The following ZNF143 variants were observed in gnomAD, a reference collection of about 807,000 sequenced individuals.
ZNF143 encodes zinc finger protein 143.
A neutral mutation model predicts 74.1 loss-of-function variants in ZNF143; 49 were observed. The observed-to-expected ratio is 0.66, with a 90% CI of 0.53 to 0.84. The LOEUF is 0.84. Among genes scored for constraint, ZNF143 ranks in the 40% least tolerant of loss-of-function variants. The pLI is 0.00. For missense variants in ZNF143, 637 were observed against 793.4 expected (o/e 0.80, Z 2.37); for synonymous variants, 304 against 282.8 (o/e 1.07, Z -0.75).
intron 4 of ZNF143, 63 bp from the exon 5 acceptor site, chr11:9,474,487 C>T (rs1856766192): frequency 6.6e-7 from 1 of 1,514,860 alleles, no homozygotes; most frequent in East Asian, 2.3e-5. Context: ...ACTCTTGTTG[C>T]TAAGTGAGTT....
intron 8 of ZNF143, 57 bp downstream of exon 8, chr11:9,494,822 T>A (rs1374642590): frequency 6.6e-7 from 1 of 1,519,822 alleles, no homozygotes; most frequent in African/African-American, 1.4e-5. Flanking sequence ...TATTAAATAC[T>A]AAGATCATAT....
chr11:9,490,460 T>A (rs1321693909), intron 7 of ZNF143, among the ~76,000 whole-genome samples: 1 of 151,298 alleles, frequency 6.6e-6, no homozygotes, highest in Non-Finnish European at 1.5e-5. Context: ...ATTTTTATAT[T>A]TTTTTTGTAG....
At chr11:9,518,562 A>G (rs1848800599) in intron 14 of ZNF143, among the ~76,000 whole-genome samples, 1 of 152,134 alleles carries the variant, frequency 6.6e-6, no homozygotes, top group Non-Finnish European at 1.5e-5. Flanking sequence ...AAAAATACAA[A>G]AACATTAGCC....
chr11:9,486,410 ATAAT>A (rs1421050104), intron 7 of ZNF143, among the ~76,000 whole-genome samples: 17 of 25,054 alleles, frequency 6.8e-4, no homozygotes, highest in African/African-American at 1.2e-3. Context: ...TATTATATAT[ATAAT>A]ATATATTATA....
intron 5 of ZNF143, among the ~76,000 whole-genome samples, chr11:9,478,040 A>G (rs1221786394): frequency 6.6e-6 from 1 of 152,118 alleles, no homozygotes; most frequent in Non-Finnish European, 1.5e-5. Context: ...GTTAGCCAGG[A>G]TGGTCTCAAT....
intron 13 of ZNF143, among the ~76,000 whole-genome samples, chr11:9,513,006 T>C (rs899256587): frequency 3.3e-5 from 5 of 152,220 alleles, no homozygotes; most frequent in African/African-American, 1.2e-4. Flanking sequence ...TCAGGAATCA[T>C]GAGAGTTCAC....
rs954404348 is a variant in ZNF143 at position 9,520,025 on chromosome 11, A to ATTTTTT, written c.1686+3687_1686+3692dup. ...ATGTAGCAAGACACTGTTTCCACCA[A>ATTTTTT]TTTTTTTTTTTTTTTTTTTTTTTTT... On this transcript the variant is annotated intron_variant, in intron 14 of 15. Coordinates refer to ENST00000396602, the MANE Select transcript of ZNF143 (RefSeq NM_003442.6). Among the ~76,000 whole-genome samples the ATTTTTT allele has an allele frequency of 2.0e-3, 183 of 91,376 alleles. 13 individuals are homozygous for ATTTTTT. Among genetic ancestry groups the ATTTTTT allele is most frequent in the African/African-American group, 8.0e-3 (168 of 21,020 alleles). 59.9% of individuals were successfully genotyped at this position (91,376 alleles called of 152,430 possible).
rs1201323009 is a variant in ZNF143, at chr11:9,489,609, G to T, written c.646-5037G>T. On this transcript the variant is annotated intron_variant, in intron 7 of 15. Transcript: ENST00000396602. The stretch of plus-strand genomic sequence containing the variant: ...TCCTAATAAATTGGCCTAGGAGGAA[G>T]CAATAGAATAACAGAAAAGATTCAG... Among the ~76,000 whole-genome samples, 8 of 152,136 alleles carry T rather than the reference G, an allele frequency of 5.3e-5. No individual in the cohort carries two copies. The East Asian group carries it at 1.3e-3, about 26-fold the overall frequency.
At chr11:9,517,478 C>T (rs1848764726) in intron 14 of ZNF143, among the ~76,000 whole-genome samples, 1 of 152,062 alleles carries the variant, frequency 6.6e-6, no homozygotes, top group African/African-American at 2.4e-5. Flanking sequence ...TACATGTATT[C>T]GTAATTGTGA....
chr11:9,483,741 G>A (rs1197764360), intron 7 of ZNF143, among the ~76,000 whole-genome samples: 1 of 149,464 alleles, frequency 6.7e-6, no homozygotes. Flanking sequence ...AATTTGCCCG[G>A]CCGGAATTCT....
Position 9,478,391 on chromosome 11 carries a change from T to C in ZNF143, c.375T>C (p.Asp125=). 3.7e-6 allele frequency: 6 copies of C among 1,608,190 alleles called. No homozygotes were observed. Among genetic ancestry groups the C allele is most frequent in the Middle Eastern group, 1.6e-4 (1 of 6,066 alleles). ...TGGCATTCTCTTCCACTCTCTCAGA[T>C]AGTTATGACCAGAGTGCATTACAGG... ...TTAFIHHTSK[D]SYDQSALQAV... Residue 125 remains aspartate, a splice_region_variant and synonymous_variant, in exon 6 of 16, where the codon GAT becomes GAC. Transcript: ENST00000396602.
intron 7 of ZNF143, among the ~76,000 whole-genome samples, chr11:9,486,111 T>C (rs530683266): frequency 3.1e-4 from 47 of 150,206 alleles, no homozygotes; most frequent in African/African-American, 1.1e-3. Context: ...TCATTTTTTC[T>C]ATTTGTAAAT....
intron 6 of ZNF143, among the ~76,000 whole-genome samples, chr11:9,478,975 A>G (rs1382519511): frequency 1.3e-5 from 2 of 152,222 alleles, no homozygotes; most frequent in African/African-American, 4.8e-5. Context: ...ATGAAGGGCT[A>G]TAAAAGAAAT....
At chr11:9,525,162 T>C in intron 14 of ZNF143, 78 bp from the exon 15 acceptor site, 1 of 1,516,592 alleles carries the variant, frequency 6.6e-7, no homozygotes, top group Non-Finnish European at 9.1e-7. Flanking sequence ...AAGAAATCCA[T>C]TGTATTAAGT....
intron 5 of ZNF143, 101 bp from the exon 6 acceptor site, chr11:9,478,289 A>G (rs1178958998): frequency 8.1e-7 from 1 of 1,229,340 alleles, no homozygotes; most frequent in Non-Finnish European, 1.2e-6. Context: ...CAGTACTCAG[A>G]GTAACTACTC....
rs1848624420 is a variant in ZNF143, at chr11:9,513,547, C to A, written c.1524+951C>A. Among the ~76,000 whole-genome samples, 3 of 152,322 alleles carry A rather than the reference C, an allele frequency of 2.0e-5. 1 individual carries two copies. The Middle Eastern group carries it at 0.01, about 518-fold the overall frequency. ...TATACAGGAAAAATTCCCACTATAG[C>A]AGGTCTGAAATAGCCACTACTGAGA... On this transcript the variant is annotated intron_variant, in intron 13 of 15. Transcript: ENST00000396602.
At chr11:9,522,570 T>G (rs968262165) in intron 14 of ZNF143, among the ~76,000 whole-genome samples, 13 of 152,188 alleles carry the variant, frequency 8.5e-5, no homozygotes, top group Non-Finnish European at 1.8e-4. Context: ...CTCGGCTCAC[T>G]GCAACCTCCG....
At chr11:9,466,381 C>T (rs7102229) in intron 1 of ZNF143, among the ~76,000 whole-genome samples, 5,103 of 151,382 alleles carry the variant, frequency 0.034, 263 homozygotes, top group African/African-American at 0.11. Flanking sequence ...CTGCAACCTA[C>T]GTCTCCCGGA....
intron 4 of ZNF143, 103 bp downstream of exon 4, chr11:9,474,127 A>C: frequency 8.9e-6 from 8 of 897,470 alleles, no homozygotes; most frequent in East Asian, 2.4e-5. Context: ...TCTTGTTCTC[A>C]AGTCCTCCTT....
Sources: gnomAD v4.1 joint callset for allele counts (sites outside exome capture counted in the v4.1 genomes callset) on GRCh38, gnomAD v4.1.1 for gene constraint, MANE v1.5 for transcripts, NCBI Gene and HGNC (gene_info 2026-07-23, HGNC 2026-07-21) for gene names.